Variants in CDH20 observed in about 807,000 individuals in gnomAD.
CDH20 encodes the protein cadherin-20.
In CDH20, 29 loss-of-function variants were observed where a neutral mutation model predicts 74.2. That is an observed-to-expected ratio of 0.39 (90% CI 0.29 to 0.53). The LOEUF (loss-of-function observed/expected upper bound fraction) is 0.53. Ranked by LOEUF, CDH20 falls within the 20% of genes least tolerant of loss-of-function variation. CDH20 has a pLI of 0.69. For missense variants in CDH20, 988 were observed against 1,048.3 expected (o/e 0.94, Z 0.79); for synonymous variants, 469 against 405.4 (o/e 1.16, Z -1.88).
Position 61,421,582 on chromosome 18 carries a change from T to C in CDH20, c.-152-68820T>C, listed in dbSNP as rs1912880011. On this transcript the variant is annotated intron_variant, in intron 1 of 11. Coordinates refer to ENST00000262717, the MANE Select transcript of CDH20 (RefSeq NM_031891.4). ...TATCACCTGGTGTTCAATTGATCAG[T>C]AGAGTTACTATAGTTAACACGAATC... 2.0e-5 allele frequency among the ~76,000 whole-genome samples: 3 copies of C among 152,180 alleles called. No individual in the cohort carries two copies. In the South Asian group the frequency reaches 6.2e-4, roughly 31 times the overall value.
At chr18:61,549,867 T>C (rs1913370821) in intron 10 of CDH20, 111 bp from the exon 11 acceptor site, 4 of 1,137,114 alleles carry the variant, frequency 3.5e-6, no homozygotes, top group Non-Finnish European at 3.8e-6. Flanking sequence ...CCAGGGAATA[T>C]CTGACTATCC....
intron 1 of CDH20, among the ~76,000 whole-genome samples, chr18:61,337,257 A>C (rs1813526188): frequency 6.6e-6 from 1 of 152,218 alleles, no homozygotes; most frequent in Admixed American, 6.5e-5. Flanking sequence ...CAGGGCTGCC[A>C]CTTTTTATTC....
intron 6 of CDH20, among the ~76,000 whole-genome samples, chr18:61,524,860 G>A (rs1407622558): frequency 2.0e-5 from 3 of 152,102 alleles, no homozygotes; most frequent in African/African-American, 4.8e-5. Flanking sequence ...GGCAGACGTT[G>A]CAGTGAGCCC....
In CDH20 at chr18:61,385,495, A is replaced by G. The variant is rs573267712; in HGVS notation, c.-153+51668A>G. Reference sequence around the variant, plus strand: ...AAAACATCAAAATCAAAAGGCAAAAATGGACAGTAAAAATATGTAATATCA... The same window carrying G: ...AAAACATCAAAATCAAAAGGCAAAAGTGGACAGTAAAAATATGTAATATCA... On this transcript the variant is annotated intron_variant, in intron 1 of 11. Transcript: ENST00000262717. Among the ~76,000 whole-genome samples, 4 of 152,240 alleles carry G rather than the reference A, an allele frequency of 2.6e-5. No individual in the cohort carries two copies. The East Asian group carries it at 7.7e-4, about 29-fold the overall frequency.
At chr18:61,369,405 T>C (rs1568113722) in intron 1 of CDH20, among the ~76,000 whole-genome samples, 1 of 152,126 alleles carries the variant, frequency 6.6e-6, no homozygotes, top group Non-Finnish European at 1.5e-5. Context: ...ACTCGAAGCA[T>C]AATATATATT....
chr18:61,495,486 T>C (rs1476840069), intron 2 of CDH20, among the ~76,000 whole-genome samples: 1 of 152,208 alleles, frequency 6.6e-6, no homozygotes, highest in African/African-American at 2.4e-5. Flanking sequence ...AGGTTCTGCC[T>C]GCCGGTAGAA....
rs1910374052 is a variant in CDH20 at position 61,353,390 on chromosome 18, C to G, written c.-153+19563C>G. On this transcript the variant is annotated intron_variant, in intron 1 of 11. Coordinates refer to ENST00000262717, the MANE Select transcript of CDH20 (RefSeq NM_031891.4). The surrounding 1 kb of genome is among the most constrained non-coding windows in gnomAD (Gnocchi z 4.6). ...AGGCTCACCTCTCCACAAAAGCCTTCTCAATTTTATGGGTCAATAGTTACT... is the reference window on the plus strand; with the variant it reads ...AGGCTCACCTCTCCACAAAAGCCTTGTCAATTTTATGGGTCAATAGTTACT... 6.6e-6 allele frequency among the ~76,000 whole-genome samples: 1 copy of G among 152,194 alleles called. No individual in the cohort carries two copies.
intron 1 of CDH20, among the ~76,000 whole-genome samples, chr18:61,336,930 G>A (rs1398337203): frequency 1.3e-5 from 2 of 152,258 alleles, no homozygotes; most frequent in African/African-American, 4.8e-5. Context: ...AGCTGATGCC[G>A]AGAGGAGCCA....
At chr18:61,496,697 A>G (rs1025897857) in intron 2 of CDH20, among the ~76,000 whole-genome samples, 1 of 152,184 alleles carries the variant, frequency 6.6e-6, no homozygotes, top group Non-Finnish European at 1.5e-5. Flanking sequence ...TCACGGAACA[A>G]ACAGTTTTAT....
At chr18:61,518,449 G>C (rs1296914096) in intron 6 of CDH20, among the ~76,000 whole-genome samples, 3 of 143,982 alleles carry the variant, frequency 2.1e-5, no homozygotes, top group African/African-American at 8.4e-5. Context: ...CTGTTCTGCA[G>C]CCTCCGCTGG....
At chr18:61,402,176 GT>G (rs1160626093) in intron 1 of CDH20, among the ~76,000 whole-genome samples, 2 of 152,106 alleles carry the variant, frequency 1.3e-5, no homozygotes, top group Non-Finnish European at 2.9e-5. Flanking sequence ...TGACCCCCAG[GT>G]TCTGTGGAAC....
intron 1 of CDH20, among the ~76,000 whole-genome samples, chr18:61,470,747 C>G (rs768519582): frequency 6.6e-6 from 1 of 152,078 alleles, no homozygotes; most frequent in African/African-American, 2.4e-5. Flanking sequence ...TGGGTATATA[C>G]GTTTTAGTAC....
At chr18:61,449,197 G>A (rs528572874) in intron 1 of CDH20, among the ~76,000 whole-genome samples, 11 of 152,142 alleles carry the variant, frequency 7.2e-5, no homozygotes, top group South Asian at 4.2e-4. Flanking sequence ...AATGTCTTTC[G>A]CTTAAAATTA....
At chr18:61,338,759 CTATT>C (rs1909839796) in intron 1 of CDH20, among the ~76,000 whole-genome samples, 3 of 152,112 alleles carry the variant, frequency 2.0e-5, no homozygotes, top group Non-Finnish European at 4.4e-5. Context: ...GGTATCCTCG[CTATT>C]TATAAGAATG....
intron 1 of CDH20, among the ~76,000 whole-genome samples, chr18:61,374,397 C>T (rs569171985): frequency 6.6e-6 from 1 of 152,134 alleles, no homozygotes; most frequent in Admixed American, 6.5e-5. Flanking sequence ...AAACAAAGTA[C>T]AACTCCAGGT....
chr18:61,341,780 T>G (rs544426528), intron 1 of CDH20, among the ~76,000 whole-genome samples: 2 of 152,294 alleles, frequency 1.3e-5, no homozygotes, highest in South Asian at 2.1e-4. Flanking sequence ...TAAATAACAC[T>G]TTTGTGCTAC....
intron 1 of CDH20, among the ~76,000 whole-genome samples, chr18:61,462,168 C>G (rs1295526463): frequency 6.6e-6 from 1 of 152,046 alleles, no homozygotes; most frequent in African/African-American, 2.4e-5. Flanking sequence ...ATTGCTAAGA[C>G]AGTAAATTTC....
chr18:61,357,396 G>GT (rs200325515), intron 1 of CDH20, among the ~76,000 whole-genome samples: 2 of 152,120 alleles, frequency 1.3e-5, no homozygotes, highest in Admixed American at 1.3e-4. Context: ...AACTAAGAGG[G>GT]TTTTTTCCCC....
At chr18:61,477,402 T>G (rs1910427457) in intron 1 of CDH20, among the ~76,000 whole-genome samples, 1 of 152,230 alleles carries the variant, frequency 6.6e-6, no homozygotes, top group African/African-American at 2.4e-5. Flanking sequence ...ACTAGTTTAT[T>G]CTGAAGTATT....
Sources: allele counts gnomAD v4.1 joint callset (sites outside exome capture counted in the v4.1 genomes callset), GRCh38; gene constraint gnomAD v4.1.1; non-coding constraint Gnocchi (gnomAD v3.1); transcripts MANE v1.5; gene names NCBI Gene and HGNC (gene_info 2026-07-23, HGNC 2026-07-21).